HS6ST2: variants seen among roughly 807,000 people sequenced by gnomAD.
HS6ST2 encodes the protein heparan-sulfate 6-O-sulfotransferase 2.
Under a neutral mutation model 33.0 loss-of-function variants are expected in HS6ST2, and 17 were observed. That is an observed-to-expected ratio of 0.52 (90% CI 0.35 to 0.77). The LOEUF is 0.77. HS6ST2 is among the 30% of genes least tolerant of loss of function. The probability of loss-of-function intolerance (pLI) is 0.01; values close to 1 mark genes in which losing one functional copy is unlikely to be tolerated. For synonymous variants in HS6ST2, 248 were observed against 237.1 expected (o/e 1.05, Z -0.42); for missense variants, 519 against 551.7 (o/e 0.94, Z 0.59).
At chrX:132,672,308 G>T (rs928642026) in intron 3 of HS6ST2, among the ~76,000 whole-genome samples, 2 of 106,483 alleles carry the variant, frequency 1.9e-5, no homozygotes, top group African/African-American at 3.5e-5. Flanking sequence ...GAGATTGGTG[G>T]GGGGGGGTGG....
intron 3 of HS6ST2, among the ~76,000 whole-genome samples, chrX:132,706,377 TTGC>T (rs1342707109): frequency 8.9e-6 from 1 of 112,126 alleles, no homozygotes; most frequent in Non-Finnish European, 1.9e-5. Context: ...AAGGCATTGA[TTGC>T]TAACTGAAAC....
At chrX:132,823,457 C>T (rs1409973702) in intron 2 of HS6ST2, among the ~76,000 whole-genome samples, 2 of 109,955 alleles carry the variant, frequency 1.8e-5, no homozygotes, top group Non-Finnish European at 3.8e-5. Flanking sequence ...TCTCTAAAGT[C>T]CACTGTATCA....
intron 2 of HS6ST2, among the ~76,000 whole-genome samples, chrX:132,800,402 G>A (rs1277188170): frequency 9.0e-6 from 1 of 111,432 alleles, no homozygotes; most frequent in Non-Finnish European, 1.9e-5. Context: ...ATAGTGAGTT[G>A]TATAATTATT....
At chrX:132,811,903 A>G (rs1415728310) in intron 2 of HS6ST2, among the ~76,000 whole-genome samples, 2 of 107,008 alleles carry the variant, frequency 1.9e-5, no homozygotes, top group Non-Finnish European at 3.8e-5. Flanking sequence ...AGTCACAAAT[A>G]TCTATTTAAA....
At chrX:132,839,345 C>A (rs1454948641) in intron 2 of HS6ST2, among the ~76,000 whole-genome samples, 1 of 99,419 alleles carries the variant, frequency 1.0e-5, no homozygotes, top group African/African-American at 3.6e-5. Flanking sequence ...TACACACACA[C>A]ACCGTGGCAT....
chrX:132,682,432 G>A (rs2148220024), intron 3 of HS6ST2, among the ~76,000 whole-genome samples: 1 of 111,805 alleles, frequency 8.9e-6, no homozygotes, highest in South Asian at 3.8e-4. Flanking sequence ...AGAAAGTAGA[G>A]TTGGCATATA....
At chrX:132,745,428 G>A (rs951083809) in intron 2 of HS6ST2, among the ~76,000 whole-genome samples, 1 of 111,666 alleles carries the variant, frequency 9.0e-6, no homozygotes, top group African/African-American at 3.3e-5. Context: ...TAATCTGTGA[G>A]AAAGGACTAG....
At chrX:132,716,564 A>G (rs1049419489) in intron 2 of HS6ST2, among the ~76,000 whole-genome samples, 6 of 112,182 alleles carry the variant, frequency 5.3e-5, no homozygotes, top group African/African-American at 1.9e-4. Context: ...AATGATTTTC[A>G]TATGTGTTTT....
At chrX:132,788,963 A>T (rs1007204763) in intron 2 of HS6ST2, among the ~76,000 whole-genome samples, 5 of 112,767 alleles carry the variant, frequency 4.4e-5, no homozygotes, top group African/African-American at 1.6e-4. Flanking sequence ...TAAGGAAATA[A>T]GCTGTCTCCA....
At chrX:132,712,363 C>CA (rs1299159986) in intron 2 of HS6ST2, among the ~76,000 whole-genome samples, 1 of 111,733 alleles carries the variant, frequency 8.9e-6, no homozygotes, top group African/African-American at 3.3e-5. Context: ...TATATCCTAG[C>CA]AAAAAATGCC....
chrX:132,887,459 T>C lies in HS6ST2; in HGVS notation c.947+69349A>G, dbSNP rs148432401. Among the ~76,000 whole-genome samples the C allele has an allele frequency of 7.1e-3, 795 of 112,317 alleles. 5 individuals carry two copies. Among genetic ancestry groups the C allele is most frequent in the African/African-American group, 0.025 (768 of 30,962 alleles). ...AAATTAAAAGCAAAAGGAGAACCAC[T>C]GTACATTCACTAGAGTGACTGTAAT... On this transcript the variant is annotated intron_variant, in intron 2 of 4. Coordinates refer to ENST00000370833, the MANE Select transcript of HS6ST2 (RefSeq NM_001394073.1).
chrX:132,869,854 C>T (rs1335380069), intron 2 of HS6ST2, among the ~76,000 whole-genome samples: 2 of 111,625 alleles, frequency 1.8e-5, no homozygotes, highest in Non-Finnish European at 3.8e-5. Flanking sequence ...TGAAAACTGG[C>T]ACAAGACAAG....
intron 4 of HS6ST2, among the ~76,000 whole-genome samples, chrX:132,634,767 GC>G (rs1183649400): frequency 1.8e-5 from 2 of 111,980 alleles, no homozygotes; most frequent in East Asian, 5.6e-4. Flanking sequence ...GCCTGGGACA[GC>G]CCAGCCTTTG....
At chrX:132,681,416 G>T (rs985823074) in intron 3 of HS6ST2, among the ~76,000 whole-genome samples, 1 of 111,883 alleles carries the variant, frequency 8.9e-6, no homozygotes, top group Admixed American at 9.5e-5. Context: ...CCTTTATTAT[G>T]TAGAAAATCA....
chrX:132,925,104 CTG>C (rs2066697147), intron 2 of HS6ST2, among the ~76,000 whole-genome samples: 1 of 111,147 alleles, frequency 9.0e-6, no homozygotes, highest in Admixed American at 9.6e-5. Flanking sequence ...AAAAGAGAGA[CTG>C]AATTATTACC....
chrX:132,868,675 T>A (rs1172505066), intron 2 of HS6ST2, among the ~76,000 whole-genome samples: 2 of 112,061 alleles, frequency 1.8e-5, no homozygotes, highest in African/African-American at 6.5e-5. Flanking sequence ...TGCTCCTGAA[T>A]GACTACTGAG....
intron 2 of HS6ST2, among the ~76,000 whole-genome samples, chrX:132,864,923 C>T (rs1328136513): frequency 2.7e-5 from 3 of 111,653 alleles, no homozygotes; most frequent in Non-Finnish European, 5.6e-5. Context: ...TGCAGAAACC[C>T]TACAAGCCAG....
intron 2 of HS6ST2, among the ~76,000 whole-genome samples, chrX:132,942,623 C>G (rs1193972750): frequency 8.9e-6 from 1 of 111,929 alleles, no homozygotes; most frequent in African/African-American, 3.2e-5. Context: ...ATCTAGGACT[C>G]CTCCCTTGGT....
Position 132,628,590 on chromosome X carries a change from T to A in HS6ST2, c.1571A>T (p.Asp524Val). The A allele has an allele frequency of 8.3e-7, 1 of 1,211,388 alleles. No individual in the cohort carries two copies. Among genetic ancestry groups the A allele is most frequent in the Non-Finnish European group, 1.1e-6 (1 of 895,332 alleles). The change falls in exon 5 of 5, where the codon GAT (aspartate) becomes GTT (valine). Residue 524 changes from aspartate to valine, a missense_variant. Physicochemically the swap from Asp to Val is radical, Grantham distance 152 (BLOSUM62 -3). Coordinates refer to ENST00000370833, the MANE Select transcript of HS6ST2 (RefSeq NM_001394073.1). ...QKRIEGLNFLDMELYSYAKDL... is the reference protein window; with the variant it reads ...QKRIEGLNFLVMELYSYAKDL... ...TTTGGCATAGCTGTACAACTCCATATCCAGAAAATTCAGTCCCTCAATACG... is the reference window on the plus strand; with the variant it reads ...TTTGGCATAGCTGTACAACTCCATAACCAGAAAATTCAGTCCCTCAATACG...
Sources: gnomAD v4.1 joint callset for allele counts (sites outside exome capture counted in the v4.1 genomes callset) on GRCh38, gnomAD v4.1.1 for gene constraint, MANE v1.5 for transcripts, NCBI Gene and HGNC (gene_info 2026-07-23, HGNC 2026-07-21) for gene names.